The following COL17A1 variants were observed in gnomAD, a reference collection of about 807,000 sequenced individuals.
COL17A1 encodes the protein collagen alpha-1(XVII) chain.
COL17A1 carries 181 observed loss-of-function variants against 218.4 expected under a neutral mutation model. The observed-to-expected ratio is 0.83, with a 90% CI of 0.73 to 0.94. The LOEUF is 0.94. Among genes scored for constraint, COL17A1 ranks in the 40% least tolerant of loss-of-function variants. The pLI is 0.00. For synonymous variants in COL17A1, 721 were observed against 731.0 expected (o/e 0.99, Z 0.22); for missense variants, 1,924 against 1,945.9 (o/e 0.99, Z 0.21).
Position 104,071,911 on chromosome 10 carries a change from T to C in COL17A1, c.463+121A>G, listed in dbSNP as rs2086672048. 4.1e-6 allele frequency: 6 copies of C among 1,480,500 alleles called. No homozygotes were observed. The South Asian group carries it at 7.0e-5, about 17-fold the overall frequency. The allele number at this position is 1,480,500 out of a possible 1,614,324, so 91.7% of individuals were successfully genotyped here. The stretch of plus-strand genomic sequence containing the variant: ...CCCTTAAAGATGTTTTATGATTGCA[T>C]GCATGTACATACATGTGTGTGCATG... On this transcript the variant is annotated intron_variant, in intron 8 of 55. Transcript: ENST00000648076.
At position 104,085,541 on chromosome 10, in the gene COL17A1, T is replaced by G. The variant is rs78113805; in HGVS notation, c.-12+182A>C. On this transcript the variant is annotated intron_variant, in intron 1 of 55. Transcript: ENST00000648076. ...CCCCACTTATTTCCTTTGAAAGACC[T>G]ACCCTAAGCAGAATGCATACACCAA... Among the ~76,000 whole-genome samples the G allele has an allele frequency of 1.3e-3, 192 of 152,352 alleles. 1 individual carries two copies. The highest frequency in any genetic ancestry group is 4.5e-3 in the African/African-American group (187 of 41,592).
intron 20 of COL17A1, 81 bp from the exon 21 acceptor site, chr10:104,054,199 G>T: frequency 2.0e-6 from 3 of 1,472,678 alleles, no homozygotes; most frequent in Non-Finnish European, 2.8e-6. Flanking sequence ...GTGGGATTCA[G>T]GTAGGGTTGC....
At chr10:104,078,609 TG>T (rs1371726757) in intron 2 of COL17A1, 23 bp from the exon 3 acceptor site, 5 of 1,613,984 alleles carry the variant, frequency 3.1e-6, no homozygotes, top group Non-Finnish European at 4.2e-6. Context: ...AAAGAAAAGA[TG>T]AGTTCTTATG....
intron 14 of COL17A1, 27 bp downstream of exon 14, chr10:104,060,092 A>T (rs770125930): frequency 1.1e-5 from 17 of 1,613,470 alleles, no homozygotes; most frequent in Admixed American, 6.7e-5. Flanking sequence ...TTCTTCTGAA[A>T]CCCAAGCCAC....
intron 43 of COL17A1, 103 bp downstream of exon 43, chr10:104,039,342 A>G (rs1403513207): frequency 1.5e-6 from 2 of 1,328,688 alleles, no homozygotes; most frequent in Non-Finnish European, 2.2e-6. Context: ...CTCTCCCAAG[A>G]CTTTACACTG....
At position 104,037,723 on chromosome 10, in the gene COL17A1, G is replaced by T. The variant is rs545044514; in HGVS notation, c.3121C>A (p.Pro1041Thr). 11 of 1,614,152 alleles carry T rather than the reference G, an allele frequency of 6.8e-6. No individual in the cohort carries two copies. Among genetic ancestry groups the T allele is most frequent in the African/African-American group, 5.3e-5 (4 of 75,042 alleles). ...LSGVQGPPGPPGPPGPVTTIT... is the reference protein window; with the variant it reads ...LSGVQGPPGPTGPPGPVTTIT... The stretch of plus-strand genomic sequence containing the variant: ...GTGGTGACAGGTCCTGGGGGACCAG[G>T]TGGGCCTGGGGGACCCTGAACTCCG... Residue 1041 changes from proline (P) to threonine (T), a missense_variant, in exon 46 of 56, where the codon CCT becomes ACT. Coordinates refer to ENST00000648076, the MANE Select transcript of COL17A1 (RefSeq NM_000494.4).
intron 45 of COL17A1, 76 bp downstream of exon 45, chr10:104,038,330 G>C (rs2086323131): frequency 6.3e-7 from 1 of 1,590,792 alleles, no homozygotes; most frequent in Non-Finnish European, 8.6e-7. Context: ...TTTCTGTGAT[G>C]ATACCACAGC....
At chr10:104,047,335 A>G (rs11191907) in intron 31 of COL17A1, among the ~76,000 whole-genome samples, 7,954 of 152,042 alleles carry the variant, frequency 0.052, 718 homozygotes, top group African/African-American at 0.18. Flanking sequence ...GAGGAGGACA[A>G]GAGGAGAAGG....
chr10:104,033,604 A>T (rs963348923), intron 52 of COL17A1, among the ~76,000 whole-genome samples: 7 of 152,338 alleles, frequency 4.6e-5, no homozygotes, highest in Non-Finnish European at 8.8e-5. Flanking sequence ...CTGTGCCGTT[A>T]AGCTGCGCGG....
chr10:104,040,559 TGGGC>T (rs988264320), intron 39 of COL17A1, 149 bp from the exon 40 acceptor site: 23 of 499,306 alleles, frequency 4.6e-5, no homozygotes, highest in East Asian at 1.1e-4. Context: ...GGTGGATGAA[TGGGC>T]GGGTGGGTGG....
chr10:104,037,811 C>A (rs374260013), intron 45 of COL17A1, 38 bp from the exon 46 acceptor site: 480 of 1,608,694 alleles, frequency 3.0e-4, no homozygotes, highest in Non-Finnish European at 3.4e-4. Flanking sequence ...AAGCCTGTCC[C>A]AAGAGGACAT....
chr10:104,084,518 AAT>A (rs756346661), intron 1 of COL17A1, among the ~76,000 whole-genome samples: 24 of 152,154 alleles, frequency 1.6e-4, no homozygotes, highest in Non-Finnish European at 2.5e-4. Flanking sequence ...GGGTTAGTAT[AAT>A]ATGAGTGTGC....
In COL17A1 at chr10:104,042,432, G is replaced by A. The variant is rs1262265942; in HGVS notation, c.2539C>T (p.Pro847Ser). Residue 847 changes from proline to serine, a missense_variant, in exon 36 of 56, where the codon CCA becomes TCA. Coordinates refer to ENST00000648076, the MANE Select transcript of COL17A1 (RefSeq NM_000494.4). ...APGPAGPAGL[P>S]GHQEVLNLQG... is the part of the protein sequence containing the mutation. ...GGGTGTGACATACCTTGATGTCCTGGGAGACCAGCTGGGCCGGCAGGGCCT... is the reference window on the plus strand; with the variant it reads ...GGGTGTGACATACCTTGATGTCCTGAGAGACCAGCTGGGCCGGCAGGGCCT... The A allele has an allele frequency of 2.3e-5, 37 of 1,614,066 alleles. No individual in the cohort carries two copies. The highest frequency in any genetic ancestry group is 2.9e-5 in the Non-Finnish European group (34 of 1,180,050).
At position 104,038,231 on chromosome 10, in the gene COL17A1, TACACACACAC is replaced by T. The variant is rs59808906; in HGVS notation, c.3070+165_3070+174del. Among the ~76,000 whole-genome samples, 4,588 of 141,982 alleles carry T rather than the reference TACACACACAC, an allele frequency of 0.032. 94 individuals carry two copies. Among genetic ancestry groups the T allele is most frequent in the East Asian group, 0.067 (319 of 4,732 alleles). 93.1% of individuals were successfully genotyped at this position (141,982 alleles called of 152,430 possible). A position where few individuals can be genotyped will look rare whatever the true frequency, so the allele number is the denominator to read the frequency against. Reference sequence around the variant, plus strand: ...CTGGGCCTGGACACATAGACACACATACACACACACACACACACACACACACACACACACA... The same window carrying T: ...CTGGGCCTGGACACATAGACACACATACACACACACACACACACACACACA... On this transcript the variant is annotated intron_variant, in intron 45 of 55. Transcript: ENST00000648076.
chr10:104,033,050 CAGAG>C lies in COL17A1; in HGVS notation c.4295-86_4295-83del, dbSNP rs1275255294. On this transcript the variant is annotated intron_variant, in intron 53 of 55. Transcript: ENST00000648076. The stretch of plus-strand genomic sequence containing the variant: ...ATCAAGTCATTTGTTCAGAGTAACA[CAGAG>C]AGATAGTGATGGAGTTTGGACGTGT... 3.9e-6 allele frequency: 6 copies of C among 1,554,012 alleles called. No individual in the cohort carries two copies. The African/African-American group carries it at 4.1e-5, about 11-fold the overall frequency.
In COL17A1 at chr10:104,046,727, G is replaced by A. The variant is rs1292179609; in HGVS notation, c.2362+20C>T. The A allele has an allele frequency of 1.9e-6, 3 of 1,613,410 alleles. No individual in the cohort carries two copies. The highest frequency in any genetic ancestry group is 2.5e-6 in the Non-Finnish European group (3 of 1,179,424). On this transcript the variant is annotated intron_variant, in intron 32 of 55. Coordinates refer to ENST00000648076, the MANE Select transcript of COL17A1 (RefSeq NM_000494.4). The stretch of plus-strand genomic sequence containing the variant: ...AGGAGAAGGTGGGAGACAGCAGGTG[G>A]GAATGATCCAGCGACTCACCCTGAG...
At chr10:104,051,173 C>G (rs926917500) in intron 25 of COL17A1, among the ~76,000 whole-genome samples, 3 of 152,156 alleles carry the variant, frequency 2.0e-5, no homozygotes, top group African/African-American at 7.2e-5. Flanking sequence ...GACAGCAGGA[C>G]AAGCTCTGTG....
rs1170150655 is a variant in COL17A1, at chr10:104,050,850, T to C, written c.2090A>G (p.Lys697Arg). The change falls in exon 26 of 56, where the codon AAA becomes AGA. Residue 697 changes from lysine (K) to arginine (R), a missense_variant and splice_region_variant. By Grantham distance (26) the Lys-to-Arg change is conservative (BLOSUM62 2). Coordinates refer to ENST00000648076, the MANE Select transcript of COL17A1 (RefSeq NM_000494.4). ...LRGEVGLPGV[K>R]GDKGPMGPPG... ...CCCCAGGCCTCCCTCCAGCTTACCT[T>C]TGACACCAGGAAGTCCTACTTCACC... 1 of 1,613,962 alleles carries C rather than the reference T, an allele frequency of 6.2e-7. No homozygotes were observed. The highest frequency in any genetic ancestry group is 2.2e-5 in the East Asian group (1 of 44,898).
rs1248089628 is a variant in COL17A1 at position 104,082,136 on chromosome 10, G to T, written c.-11-1452C>A. Among the ~76,000 whole-genome samples, 3 of 152,326 alleles carry T rather than the reference G, an allele frequency of 2.0e-5. No individual in the cohort carries two copies. The South Asian group carries it at 6.2e-4, about 32-fold the overall frequency. On this transcript the variant is annotated intron_variant, in intron 1 of 55. Transcript: ENST00000648076. The stretch of plus-strand genomic sequence containing the variant: ...TGCTCGTTGGTGTTTTTCAAACACA[G>T]CTCGAGGCAAGGAATGAGGCACAAT...
Sources: gnomAD v4.1 joint callset for allele counts (sites outside exome capture counted in the v4.1 genomes callset) on GRCh38, gnomAD v4.1.1 for gene constraint, MANE v1.5 for transcripts, NCBI Gene and HGNC (gene_info 2026-07-23, HGNC 2026-07-21) for gene names.